Variants in PPP2R3A observed in about 807,000 individuals in gnomAD.
The protein encoded by PPP2R3A is protein phosphatase 2 regulatory subunit B''alpha.
In PPP2R3A, 80 loss-of-function variants were observed where a neutral mutation model predicts 106.9. The observed-to-expected ratio is 0.75, with a 90% CI of 0.62 to 0.90. The LOEUF (loss-of-function observed/expected upper bound fraction) is 0.90, where lower values mean the gene tolerates loss of function less well. Among genes scored for constraint, PPP2R3A ranks in the 40% least tolerant of loss-of-function variants. The pLI is 0.00. For missense variants in PPP2R3A, 1,386 were observed against 1,350.4 expected (o/e 1.03, Z -0.41); for synonymous variants, 483 against 468.3 (o/e 1.03, Z -0.41).
chr3:136,116,000 A>G (rs6784219), intron 13 of PPP2R3A, among the ~76,000 whole-genome samples: 50,669 of 151,848 alleles, frequency 0.33, 9,065 homozygotes, highest in African/African-American at 0.44. Flanking sequence ...CAGAGAGAAA[A>G]GTCTGGTTAC....
chr3:136,098,935 T>C (rs1382431310), intron 10 of PPP2R3A, among the ~76,000 whole-genome samples: 1 of 152,172 alleles, frequency 6.6e-6, no homozygotes, highest in Non-Finnish European at 1.5e-5. Context: ...CTTTATTCCC[T>C]GGAGAACATA....
chr3:136,077,118 C>T (rs1576484193), intron 6 of PPP2R3A, among the ~76,000 whole-genome samples: 1 of 152,126 alleles, frequency 6.6e-6, no homozygotes, highest in Admixed American at 6.5e-5. Context: ...GAAGGCAGAG[C>T]TCTAGTCAGT....
intron 10 of PPP2R3A, among the ~76,000 whole-genome samples, chr3:136,099,603 A>G (rs1444983484): frequency 6.6e-6 from 1 of 152,004 alleles, no homozygotes; most frequent in Non-Finnish European, 1.5e-5. Flanking sequence ...ACCCTCCCAG[A>G]AAGAAACCCC....
intron 12 of PPP2R3A, among the ~76,000 whole-genome samples, chr3:136,104,922 T>TA (rs1392659201): frequency 2.0e-5 from 3 of 152,216 alleles, no homozygotes; most frequent in African/African-American, 7.2e-5. Context: ...ATTTTTACTC[T>TA]AAAAAAATTA....
chr3:136,130,560 A>G (rs1344284117), intron 13 of PPP2R3A, among the ~76,000 whole-genome samples: 1 of 152,210 alleles, frequency 6.6e-6, no homozygotes, highest in Non-Finnish European at 1.5e-5. Flanking sequence ...GGAAGAATCA[A>G]TATCATGAAA....
chr3:136,121,287 A>G (rs1402476513), intron 13 of PPP2R3A, among the ~76,000 whole-genome samples: 1 of 152,192 alleles, frequency 6.6e-6, no homozygotes, highest in Non-Finnish European at 1.5e-5. Flanking sequence ...TTGCAGCAAC[A>G]TGGATGCAGC....
At chr3:136,074,090 A>G (rs1936524337) in intron 6 of PPP2R3A, among the ~76,000 whole-genome samples, 1 of 152,208 alleles carries the variant, frequency 6.6e-6, no homozygotes, top group African/African-American at 2.4e-5. Flanking sequence ...GGCATACAGT[A>G]TAGAAGAACA....
chr3:136,087,297 C>CTG (rs1182701580), intron 8 of PPP2R3A, among the ~76,000 whole-genome samples: 9 of 148,644 alleles, frequency 6.1e-5, no homozygotes, highest in Admixed American at 4.1e-4. Flanking sequence ...CTCTCTCTCT[C>CTG]TCACCAACAT....
rs79657740 is a variant in PPP2R3A, at chr3:136,098,130, T to C, written c.2928-3877T>C. Among the ~76,000 whole-genome samples the C allele has an allele frequency of 7.4e-3, 1,128 of 152,288 alleles. 22 individuals carry two copies. Among genetic ancestry groups the C allele is most frequent in the African/African-American group, 0.025 (1,021 of 41,562 alleles). On this transcript the variant is annotated intron_variant, in intron 10 of 13. Coordinates refer to ENST00000264977, the MANE Select transcript of PPP2R3A (RefSeq NM_002718.5). ...AAGACTTTGCCCACTCTGGGCAACA[T>C]AGGAAGACCTGATCTCTACAAAAAG...
At chr3:136,090,795 TC>T in intron 10 of PPP2R3A, 128 bp downstream of exon 10, 1 of 670,426 alleles carries the variant, frequency 1.5e-6, no homozygotes, top group Non-Finnish European at 2.5e-6. Context: ...AGACTTAGTT[TC>T]TGCCGTCTCG....
intron 13 of PPP2R3A, among the ~76,000 whole-genome samples, chr3:136,143,130 CAT>C (rs1268526743): frequency 6.6e-6 from 1 of 152,218 alleles, no homozygotes; most frequent in Non-Finnish European, 1.5e-5. Flanking sequence ...AACTGGTAGT[CAT>C]AGGGAACAAT....
chr3:136,014,730 G>T (rs1934211405), intron 2 of PPP2R3A, among the ~76,000 whole-genome samples: 1 of 152,122 alleles, frequency 6.6e-6, no homozygotes, highest in South Asian at 2.1e-4. Flanking sequence ...GCTTTTGGAT[G>T]AGTCTTTAGG....
At chr3:136,124,906 G>GA (rs1276742687) in intron 13 of PPP2R3A, among the ~76,000 whole-genome samples, 1 of 152,052 alleles carries the variant, frequency 6.6e-6, no homozygotes, top group Non-Finnish European at 1.5e-5. Flanking sequence ...ATGAAATGGG[G>GA]AAAAAATGCT....
chr3:136,031,856 G>C (rs1452080362), intron 3 of PPP2R3A, among the ~76,000 whole-genome samples: 2 of 152,118 alleles, frequency 1.3e-5, no homozygotes, highest in African/African-American at 4.8e-5. Context: ...CTGTTCCACT[G>C]GTCTATGTGC....
At chr3:135,989,579 A>G (rs1392483875) in intron 1 of PPP2R3A, among the ~76,000 whole-genome samples, 2 of 151,984 alleles carry the variant, frequency 1.3e-5, no homozygotes, top group Admixed American at 6.6e-5. Context: ...CTATGTCTGG[A>G]ACACAAAAAA....
chr3:135,995,193 C>G (rs1933336976), intron 1 of PPP2R3A, among the ~76,000 whole-genome samples: 2 of 152,176 alleles, frequency 1.3e-5, no homozygotes. Flanking sequence ...CAGCATGCCA[C>G]AGACCTGAGG....
intron 6 of PPP2R3A, among the ~76,000 whole-genome samples, chr3:136,075,817 TTAA>T (rs1936577967): frequency 2.0e-5 from 3 of 152,190 alleles, no homozygotes. Context: ...AAAATGTGGT[TTAA>T]TAATATATAT....
In PPP2R3A at chr3:136,087,870, T is replaced by A. The variant is rs539384265; in HGVS notation, c.2789-13T>A. ...CTAACTAGCTTTGCAATTTTTTTTT[T>A]ATCTACATTTAGCTTCATCAAGCAG... On this transcript the variant is annotated splice_polypyrimidine_tract_variant and intron_variant, in intron 8 of 13. Coordinates refer to ENST00000264977, the MANE Select transcript of PPP2R3A (RefSeq NM_002718.5). 225 of 1,599,864 alleles carry A rather than the reference T, an allele frequency of 1.4e-4. No homozygotes were observed. In the South Asian group the frequency reaches 1.7e-3, roughly 12 times the overall value.
chr3:136,079,826 T>C (rs1455192071), intron 7 of PPP2R3A, among the ~76,000 whole-genome samples: 2 of 152,168 alleles, frequency 1.3e-5, no homozygotes, highest in East Asian at 1.9e-4. Flanking sequence ...CAAAAGTAAG[T>C]TGCTGAACTG....
Sources: allele counts gnomAD v4.1 joint callset (sites outside exome capture counted in the v4.1 genomes callset), GRCh38; gene constraint gnomAD v4.1.1; transcripts MANE v1.5; gene names NCBI Gene and HGNC (gene_info 2026-07-23, HGNC 2026-07-21).